Variants in FOXN3 observed in about 807,000 individuals in gnomAD.
FOXN3 encodes forkhead box protein N3.
FOXN3 carries 7 observed loss-of-function variants against 38.4 expected under a neutral mutation model. The observed-to-expected ratio is 0.18, with a 90% CI of 0.10 to 0.34. The LOEUF (loss-of-function observed/expected upper bound fraction) is 0.34, where lower values mean the gene tolerates loss of function less well. Among genes scored for constraint, FOXN3 ranks in the 10% least tolerant of loss-of-function variants. FOXN3 has a pLI of 1.00. For missense variants in FOXN3, 456 were observed against 613.4 expected, an observed-to-expected ratio of 0.74 and a Z score of 2.71; for synonymous variants, 230 against 242.2, an observed-to-expected ratio of 0.95 and a Z score of 0.47.
intron 2 of FOXN3, among the ~76,000 whole-genome samples, chr14:89,382,013 T>G (rs7151233): frequency 0.63 from 95,066 of 151,844 alleles, 31,132 homozygotes; most frequent in Admixed American, 0.74. Context: ...GATGACCCTT[T>G]GGCCCCTTGA....
chr14:89,543,606 C>T (rs894817569), intron 1 of FOXN3, among the ~76,000 whole-genome samples: 2 of 152,242 alleles, frequency 1.3e-5, no homozygotes, highest in Non-Finnish European at 1.5e-5. Context: ...TGCTGGGCAA[C>T]CAGCAAGCTT....
At chr14:89,537,877 G>A (rs905945714) in intron 1 of FOXN3, among the ~76,000 whole-genome samples, 1 of 152,224 alleles carries the variant, frequency 6.6e-6, no homozygotes, top group African/African-American at 2.4e-5. Context: ...AGAAGCCTAT[G>A]AGATAACATT....
chr14:89,300,075 C>G (rs555169709), intron 3 of FOXN3, among the ~76,000 whole-genome samples: 2 of 152,166 alleles, frequency 1.3e-5, no homozygotes, highest in East Asian at 3.9e-4. Context: ...TCCCTCATTA[C>G]TCCATGAACT....
At chr14:89,415,877 CA>C (rs1347257557) in intron 1 of FOXN3, among the ~76,000 whole-genome samples, 2 of 145,646 alleles carry the variant, frequency 1.4e-5, no homozygotes, top group Non-Finnish European at 3.1e-5. Flanking sequence ...CACACACACA[CA>C]CACACCCTCT....
intron 1 of FOXN3, among the ~76,000 whole-genome samples, chr14:89,595,615 T>C (rs1896042300): frequency 6.6e-6 from 1 of 152,240 alleles, no homozygotes. Flanking sequence ...ATTTTCTTTA[T>C]ACTCAGTAAT....
intron 2 of FOXN3, among the ~76,000 whole-genome samples, chr14:89,363,191 C>T (rs1172710261): frequency 6.6e-6 from 1 of 152,124 alleles, no homozygotes; most frequent in East Asian, 1.9e-4. Context: ...GGAAGCCCCT[C>T]CAGCTCCCAC....
intron 4 of FOXN3, among the ~76,000 whole-genome samples, chr14:89,278,848 A>T (rs190102859): frequency 6.6e-6 from 1 of 152,296 alleles, no homozygotes; most frequent in Non-Finnish European, 1.5e-5. Flanking sequence ...GGCATTAAAC[A>T]GGCACATTTT....
At chr14:89,420,954 TG>T (rs1413356990), upstream of FOXN3, among the ~76,000 whole-genome samples, 1 of 149,468 alleles carries the variant, frequency 6.7e-6, no homozygotes, top group Non-Finnish European at 1.5e-5. Flanking sequence ...AGAGAGAAAC[TG>T]GAAGATCAAA....
chr14:89,256,766 C>T (rs1008328592), intron 4 of FOXN3, among the ~76,000 whole-genome samples: 4 of 152,192 alleles, frequency 2.6e-5, no homozygotes, highest in African/African-American at 9.6e-5. Context: ...GCAAAGCTGC[C>T]TCTTCTTGGT....
intron 3 of FOXN3, chr14:89,291,666 G>A: frequency 4.6e-6 from 2 of 438,404 alleles, no homozygotes; most frequent in Non-Finnish European, 8.9e-6. Context: ...CTCTCTTCCT[G>A]TGGCCCTTAT....
intron 1 of FOXN3, among the ~76,000 whole-genome samples, chr14:89,481,889 G>A (rs1438244349): frequency 6.6e-6 from 1 of 152,128 alleles, no homozygotes; most frequent in Non-Finnish European, 1.5e-5. Context: ...GGATATTTCT[G>A]GGTGTGAAAG....
At chr14:89,490,401 C>T (rs1257892830) in intron 1 of FOXN3, among the ~76,000 whole-genome samples, 3 of 152,208 alleles carry the variant, frequency 2.0e-5, no homozygotes, top group African/African-American at 7.2e-5. Flanking sequence ...ACCAGCTGAT[C>T]CCTGATGCCT....
intron 5 of FOXN3, among the ~76,000 whole-genome samples, chr14:89,174,858 C>T (rs889393969): frequency 1.3e-5 from 2 of 152,148 alleles, no homozygotes; most frequent in Non-Finnish European, 2.9e-5. Flanking sequence ...AAATCTAATA[C>T]TGAGTTTTGT....
At chr14:89,392,108 A>G (rs749047836) in intron 2 of FOXN3, among the ~76,000 whole-genome samples, 4 of 152,148 alleles carry the variant, frequency 2.6e-5, no homozygotes, top group Non-Finnish European at 5.9e-5. Flanking sequence ...TTTAATGTGA[A>G]CCCAGTTAGG....
chr14:89,308,331 T>C (rs957830842), intron 3 of FOXN3, among the ~76,000 whole-genome samples: 2 of 152,170 alleles, frequency 1.3e-5, no homozygotes, highest in African/African-American at 4.8e-5. Context: ...CTGTCCCTAA[T>C]CCTGCAGGAT....
intron 4 of FOXN3, among the ~76,000 whole-genome samples, chr14:89,270,525 G>C (rs1886118047): frequency 6.6e-6 from 1 of 152,198 alleles, no homozygotes; most frequent in African/African-American, 2.4e-5. Context: ...TGACTGACTG[G>C]AAAGGAAAGG....
intron 2 of FOXN3, among the ~76,000 whole-genome samples, chr14:89,389,806 G>A (rs1377139138): frequency 6.6e-6 from 1 of 152,150 alleles, no homozygotes; most frequent in Non-Finnish European, 1.5e-5. Context: ...ACCCTACCGG[G>A]TCAGAGGTGA....
chr14:89,374,190 G>T (rs1399171301), intron 2 of FOXN3, among the ~76,000 whole-genome samples: 1 of 125,370 alleles, frequency 8.0e-6, no homozygotes, highest in East Asian at 2.7e-4. Flanking sequence ...CCTGAGCCCA[G>T]AATGTCGAGG....
chr14:89,372,579 A>G (rs1181514532), intron 2 of FOXN3, among the ~76,000 whole-genome samples: 1 of 152,204 alleles, frequency 6.6e-6, no homozygotes, highest in African/African-American at 2.4e-5. Flanking sequence ...CCATACAACC[A>G]AACTTTCCAA....
Sources: gnomAD v4.1 joint callset for allele counts (sites outside exome capture counted in the v4.1 genomes callset) on GRCh38, gnomAD v4.1.1 for gene constraint, MANE v1.5 for transcripts, NCBI Gene and HGNC (gene_info 2026-07-23, HGNC 2026-07-21) for gene names.